Variants in CLEC1A observed in about 807,000 individuals in gnomAD.
CLEC1A encodes the protein C-type lectin domain family 1 member A, also known as C-type lectin-like receptor-1.
Under a neutral mutation model 28.7 loss-of-function variants are expected in CLEC1A, and 34 were observed. The observed-to-expected ratio is 1.18, with a 90% CI of 0.90 to 1.57. The LOEUF (loss-of-function observed/expected upper bound fraction) is 1.57. Ranked by LOEUF, CLEC1A falls within the 40% of genes most tolerant of loss-of-function variation. The pLI is 0.00. For missense variants in CLEC1A, 385 were observed against 339.5 expected, an observed-to-expected ratio of 1.13 and a Z score of -1.05; for synonymous variants, 116 against 121.0, an observed-to-expected ratio of 0.96 and a Z score of 0.27.
At chr12:10,078,766 G>A (rs904983103) in intron 3 of CLEC1A, among the ~76,000 whole-genome samples, 1 of 152,118 alleles carries the variant, frequency 6.6e-6, no homozygotes, top group Non-Finnish European at 1.5e-5. Flanking sequence ...GATCCTCAGT[G>A]CTGGAGGTGG....
intron 4 of CLEC1A, among the ~76,000 whole-genome samples, chr12:10,074,227 T>G (rs1375254431): frequency 1.3e-5 from 2 of 152,156 alleles, no homozygotes; most frequent in Non-Finnish European, 2.9e-5. Context: ...ATAATGAGTT[T>G]CTCAAGGCCG....
At chr12:10,080,420 C>T (rs1357886849) in intron 3 of CLEC1A, among the ~76,000 whole-genome samples, 2 of 152,036 alleles carry the variant, frequency 1.3e-5, no homozygotes, top group African/African-American at 2.4e-5. Context: ...TAAAACTGTG[C>T]CTATTAATAT....
At chr12:10,089,687 T>C (rs1050991909) in intron 1 of CLEC1A, among the ~76,000 whole-genome samples, 14 of 152,166 alleles carry the variant, frequency 9.2e-5, no homozygotes, top group African/African-American at 2.9e-4. Context: ...TCCCCCAAGT[T>C]CCGTATATGC....
intron 3 of CLEC1A, 129 bp from the exon 4 acceptor site, chr12:10,075,784 C>T (rs1242479893): frequency 2.7e-6 from 2 of 748,776 alleles, no homozygotes; most frequent in African/African-American, 3.5e-5. Context: ...ATTACCCAGG[C>T]AATGATAACT....
intron 2 of CLEC1A, among the ~76,000 whole-genome samples, chr12:10,086,476 G>A (rs73066925): frequency 5.8e-4 from 88 of 151,806 alleles, no homozygotes; most frequent in Non-Finnish European, 1.2e-3. Flanking sequence ...AAGGAGAGGA[G>A]ATCCAAATAA....
Position 10,071,411 on chromosome 12 carries a change from A to T in CLEC1A, c.765T>A (p.Cys255Ter), listed in dbSNP as rs758395531. Reference protein sequence around the residue: ...FSKDCKELKRCVCERRAGMVK... With the variant: ...FSKDCKELKR ...CCATTCCTGCCCTTCTCTCACAGACACAACGCTTCAATTCTTTGCAGTCCT... is the reference window on the plus strand; with the variant it reads ...CCATTCCTGCCCTTCTCTCACAGACTCAACGCTTCAATTCTTTGCAGTCCT... Residue 255 changes from cysteine to a stop codon, truncating the protein, a stop_gained, in exon 6 of 6, where the codon TGT becomes TGA. Coordinates refer to ENST00000315330, the MANE Select transcript of CLEC1A (RefSeq NM_016511.4). LOFTEE classifies it low-confidence loss of function (END_TRUNC). The T allele has an allele frequency of 9.9e-6, 16 of 1,614,050 alleles. No homozygotes were observed. Among genetic ancestry groups the T allele is most frequent in the Non-Finnish European group, 1.4e-5 (16 of 1,179,928 alleles).
At chr12:10,086,751 T>C (rs1041210436) in intron 2 of CLEC1A, among the ~76,000 whole-genome samples, 9 of 152,206 alleles carry the variant, frequency 5.9e-5, no homozygotes, top group Admixed American at 2.6e-4. Context: ...GGTACAAATA[T>C]TACTGAAACT....
chr12:10,090,920 C>T (rs946267885), intron 1 of CLEC1A, among the ~76,000 whole-genome samples: 4 of 152,078 alleles, frequency 2.6e-5, no homozygotes, highest in Non-Finnish European at 5.9e-5. Context: ...CTTATTGAGA[C>T]CTTCCTTAGC....
At chr12:10,071,599 AT>A (rs1490176077) in intron 5 of CLEC1A, 86 bp from the exon 6 acceptor site, 3 of 1,119,924 alleles carry the variant, frequency 2.7e-6, no homozygotes, top group Non-Finnish European at 3.7e-6. Flanking sequence ...GAGTTATAAA[AT>A]TATAGTCTAG....
At chr12:10,079,546 G>A (rs571361355) in intron 3 of CLEC1A, among the ~76,000 whole-genome samples, 1 of 151,974 alleles carries the variant, frequency 6.6e-6, no homozygotes, top group South Asian at 2.1e-4. Flanking sequence ...TTTTAGCCAG[G>A]TGCAATGGCT....
chr12:10,077,698 A>G (rs1287795033), intron 3 of CLEC1A, among the ~76,000 whole-genome samples: 1 of 152,206 alleles, frequency 6.6e-6, no homozygotes, highest in Non-Finnish European at 1.5e-5. Context: ...TAACCCCAGG[A>G]CGGGCATTCC....
At chr12:10,096,499 T>C (rs10845039) in intron 1 of CLEC1A, among the ~76,000 whole-genome samples, 127,201 of 152,142 alleles carry the variant, frequency 0.84, 54,431 homozygotes, top group African/African-American at 0.9. Context: ...TACCTTCAAC[T>C]TATCATTTCC....
rs1284029135 is a variant in CLEC1A at position 10,089,217 on chromosome 12, T to G, written c.121A>C (p.Arg41=). Reference sequence around the variant, plus strand: ...GGTCGCCACGTTGAAGAGGGAGCCCTGTGCTCTGCAGGGAACAGAAGAGAA... The same window carrying G: ...GGTCGCCACGTTGAAGAGGGAGCCCGGTGCTCTGCAGGGAACAGAAGAGAA... ...RHPEPRRTEH[R]APSSTWRPVA... is the part of the protein sequence containing the mutation. Residue 41 remains arginine (R), a synonymous_variant, in exon 2 of 6, where the codon AGG becomes CGG. Transcript: ENST00000315330. 6.2e-7 allele frequency: 1 copy of G among 1,613,696 alleles called. No homozygotes were observed. Among genetic ancestry groups the G allele is most frequent in the African/African-American group, 1.3e-5 (1 of 74,934 alleles).
chr12:10,072,427 T>C (rs1866153767), intron 5 of CLEC1A, among the ~76,000 whole-genome samples: 1 of 152,256 alleles, frequency 6.6e-6, no homozygotes, highest in Non-Finnish European at 1.5e-5. Flanking sequence ...TCACAGCATA[T>C]GTACGACTAG....
chr12:10,084,851 A>G (rs1866452097), intron 2 of CLEC1A, among the ~76,000 whole-genome samples: 1 of 151,016 alleles, frequency 6.6e-6, no homozygotes. Flanking sequence ...AAAGAAAAGA[A>G]AATGTTGTAA....
intron 2 of CLEC1A, among the ~76,000 whole-genome samples, chr12:10,088,351 CAG>C (rs1866543430): frequency 6.6e-6 from 1 of 151,976 alleles, no homozygotes. Flanking sequence ...AAGACACAAA[CAG>C]AAGTATTAAA....
rs1866103404 is a variant in CLEC1A, at chr12:10,070,518, T to C, written c.*815A>G. The C allele has an allele frequency of 1.3e-5, 2 of 152,252 alleles. No individual in the cohort carries two copies. The highest frequency in any genetic ancestry group is 4.1e-4 in the South Asian group (2 of 4,832). 9.4% of individuals were successfully genotyped at this position (152,252 alleles called of 1,614,324 possible). A position where few individuals can be genotyped will look rare whatever the true frequency, so the allele number is the denominator to read the frequency against. The stretch of plus-strand genomic sequence containing the variant: ...ACATTTATTATTATTAAATCTTCAG[T>C]ACCTGAAAGGTATAAATATGGGTCA... On this transcript the variant is annotated 3_prime_UTR_variant, in exon 6 of 6. Coordinates refer to ENST00000315330, the MANE Select transcript of CLEC1A (RefSeq NM_016511.4).
chr12:10,071,066 G>C lies in CLEC1A; in HGVS notation c.*267C>G. 7.1e-6 allele frequency: 2 copies of C among 281,288 alleles called. No homozygotes were observed. The highest frequency in any genetic ancestry group is 2.2e-4 in the South Asian group (2 of 8,980). The allele number at this position is 281,288 out of a possible 1,614,324, so 17.4% of individuals were successfully genotyped here. On this transcript the variant is annotated 3_prime_UTR_variant, in exon 6 of 6. Transcript: ENST00000315330. ...ACATTGAGAAGAAAGAGAGCTAAAA[G>C]TTATCTCTAAGCCAAGAAGGCAGAT...
At chr12:10,088,340 TAAGAC>T (rs1866542718) in intron 2 of CLEC1A, among the ~76,000 whole-genome samples, 1 of 152,226 alleles carries the variant, frequency 6.6e-6, no homozygotes, top group South Asian at 2.1e-4. Context: ...TTTTGAAATA[TAAGAC>T]ACAAACAGAA....
Sources: allele counts gnomAD v4.1 joint callset (sites outside exome capture counted in the v4.1 genomes callset), GRCh38; gene constraint gnomAD v4.1.1; transcripts MANE v1.5; gene names NCBI Gene and HGNC (gene_info 2026-07-23, HGNC 2026-07-21).